CA13: variants seen among roughly 807,000 people sequenced by gnomAD.
CA13 encodes the protein CA-XIII.
In CA13, 21 loss-of-function variants were observed where a neutral mutation model predicts 31.5. That is an observed-to-expected ratio of 0.67 (90% CI 0.47 to 0.96). The LOEUF (loss-of-function observed/expected upper bound fraction) is 0.96. Ranked by LOEUF, CA13 falls within the 40% of genes least tolerant of loss-of-function variation. The pLI is 0.00. For synonymous variants in CA13, 117 were observed against 111.4 expected, an observed-to-expected ratio of 1.05 and a Z score of -0.32; for missense variants, 315 against 318.9, an observed-to-expected ratio of 0.99 and a Z score of 0.09.
intron 2 of CA13, among the ~76,000 whole-genome samples, chr8:85,257,513 G>A (rs1807316467): frequency 1.3e-5 from 2 of 151,498 alleles, no homozygotes; most frequent in Admixed American, 1.3e-4. Context: ...TTCAGACCAG[G>A]AGTTTGAGAC....
chr8:85,276,051 G>A (rs1160429188), intron 6 of CA13, among the ~76,000 whole-genome samples: 1 of 152,200 alleles, frequency 6.6e-6, no homozygotes, highest in African/African-American at 2.4e-5. Flanking sequence ...CAGGTTGCTG[G>A]GAGGTGTGGA....
chr8:85,280,895 T>C (rs1364961866), intron 6 of CA13, among the ~76,000 whole-genome samples: 1 of 152,210 alleles, frequency 6.6e-6, no homozygotes, highest in Non-Finnish European at 1.5e-5. Context: ...ATAAAATGTA[T>C]GTATGTATGT....
At chr8:85,259,920 G>T (rs1564001774) in intron 3 of CA13, among the ~76,000 whole-genome samples, 1 of 152,004 alleles carries the variant, frequency 6.6e-6, no homozygotes, top group Non-Finnish European at 1.5e-5. Flanking sequence ...AGAAACATTT[G>T]TCTTAGTCCA....
chr8:85,263,422 G>A (rs1264007128), intron 3 of CA13, among the ~76,000 whole-genome samples: 1 of 152,174 alleles, frequency 6.6e-6, no homozygotes, highest in Non-Finnish European at 1.5e-5. Context: ...TCAGGCAAAT[G>A]TTGAAGTAGG....
intron 2 of CA13, among the ~76,000 whole-genome samples, chr8:85,252,935 A>C (rs1018163194): frequency 6.6e-6 from 1 of 151,368 alleles, no homozygotes; most frequent in Admixed American, 6.6e-5. Flanking sequence ...AAAAGTAGTA[A>C]GTTTTTTTTT....
intron 2 of CA13, 53 bp downstream of exon 2, chr8:85,250,990 T>G (rs1278888365): frequency 3.0e-6 from 4 of 1,329,414 alleles, no homozygotes; most frequent in Non-Finnish European, 2.1e-6. Flanking sequence ...TTTGAATGAT[T>G]AGACTATACT....
chr8:85,247,672 C>A (rs1338542741), intron 1 of CA13, among the ~76,000 whole-genome samples: 1 of 152,146 alleles, frequency 6.6e-6, no homozygotes, highest in African/African-American at 2.4e-5. Flanking sequence ...TGGGTTCAAG[C>A]GATTCTCCAG....
At chr8:85,276,423 TG>T (rs931464166) in intron 6 of CA13, among the ~76,000 whole-genome samples, 25 of 152,348 alleles carry the variant, frequency 1.6e-4, no homozygotes, top group Admixed American at 3.3e-4. Flanking sequence ...CGCATGGCGC[TG>T]GGACTGGCAG....
intron 5 of CA13, 92 bp from the exon 6 acceptor site, chr8:85,268,380 G>C: frequency 9.3e-7 from 1 of 1,080,424 alleles, no homozygotes; most frequent in Non-Finnish European, 1.4e-6. Context: ...ATTGTTTATG[G>C]AATTATAATG....
intron 6 of CA13, 92 bp from the exon 7 acceptor site, chr8:85,281,138 C>A: frequency 7.0e-7 from 1 of 1,426,038 alleles, no homozygotes; most frequent in Middle Eastern, 1.9e-4. Context: ...ATTTTTTGTT[C>A]CTGGTTATAG....
In CA13 at chr8:85,247,889, G is replaced by T. The variant is rs201529394; in HGVS notation, c.37+2024G>T. Among the ~76,000 whole-genome samples, 754 of 119,070 alleles carry T rather than the reference G, an allele frequency of 6.3e-3. 6 individuals carry two copies. The highest frequency in any genetic ancestry group is 0.015 in the African/African-American group (446 of 30,132). 78.1% of individuals were successfully genotyped at this position (119,070 alleles called of 152,430 possible). ...CTGGGCCTAACTAGGCAAGTTTTTT[G>T]TTTTTTTTTTTTTTTCTGTTTAAAC... On this transcript the variant is annotated intron_variant, in intron 1 of 6. Coordinates refer to ENST00000321764, the MANE Select transcript of CA13 (RefSeq NM_198584.3).
intron 6 of CA13, among the ~76,000 whole-genome samples, chr8:85,269,165 G>C (rs1347500668): frequency 6.6e-6 from 1 of 152,190 alleles, no homozygotes; most frequent in African/African-American, 2.4e-5. Flanking sequence ...GTAGTTAAGT[G>C]GGTAGGCTGG....
chr8:85,277,650 A>C (rs1807633465), intron 6 of CA13, among the ~76,000 whole-genome samples: 2 of 152,206 alleles, frequency 1.3e-5, no homozygotes, highest in Admixed American at 1.3e-4. Context: ...TCGAACCCTG[A>C]GAGCGCGCCA....
chr8:85,261,094 C>T (rs553384422), intron 3 of CA13, among the ~76,000 whole-genome samples: 54 of 152,074 alleles, frequency 3.6e-4, no homozygotes, highest in Middle Eastern at 3.4e-3. Context: ...TGTTGTTGTT[C>T]TGCAATAAAT....
intron 6 of CA13, among the ~76,000 whole-genome samples, chr8:85,279,315 C>A (rs1807663325): frequency 6.6e-6 from 1 of 152,144 alleles, no homozygotes; most frequent in Non-Finnish European, 1.5e-5. Flanking sequence ...CTGGTGGGAA[C>A]CAGCCAGGGA....
Position 85,281,292 on chromosome 8 carries a change from C to T in CA13, c.732C>T (p.Ser244=). Residue 244 remains serine, a synonymous_variant, in exon 7 of 7, where the codon AGC becomes AGT. Coordinates refer to ENST00000321764, the MANE Select transcript of CA13 (RefSeq NM_198584.3). ...AEGEAAAFLV[S]NHRPPQPLKG... is the part of the protein sequence containing the mutation. Reference sequence around the variant, plus strand: ...GTGAAGCAGCAGCTTTTCTGGTGAGCAATCACCGCCCACCACAGCCTCTAA... The same window carrying T: ...GTGAAGCAGCAGCTTTTCTGGTGAGTAATCACCGCCCACCACAGCCTCTAA... 6.2e-7 allele frequency: 1 copy of T among 1,614,050 alleles called. No individual in the cohort carries two copies. The highest frequency in any genetic ancestry group is 8.5e-7 in the Non-Finnish European group (1 of 1,179,946).
intron 6 of CA13, among the ~76,000 whole-genome samples, chr8:85,272,024 C>A (rs775172190): frequency 2.6e-5 from 4 of 152,032 alleles, no homozygotes; most frequent in Non-Finnish European, 5.9e-5. Context: ...GCCCATATTG[C>A]GCCGCTGTAC....
At chr8:85,276,969 A>C (rs143163737) in intron 6 of CA13, among the ~76,000 whole-genome samples, 2,277 of 152,276 alleles carry the variant, frequency 0.015, 43 homozygotes, top group African/African-American at 0.051. Context: ...CTCTGTATCT[A>C]GCTAATCTGG....
At chr8:85,252,342 C>A (rs1414806906) in intron 2 of CA13, among the ~76,000 whole-genome samples, 1 of 152,118 alleles carries the variant, frequency 6.6e-6, no homozygotes, top group African/African-American at 2.4e-5. Context: ...ATTCTCCTAA[C>A]AATGGACATT....
Sources: gnomAD v4.1 joint callset for allele counts (sites outside exome capture counted in the v4.1 genomes callset) on GRCh38, gnomAD v4.1.1 for gene constraint, MANE v1.5 for transcripts, NCBI Gene and HGNC (gene_info 2026-07-23, HGNC 2026-07-21) for gene names.